PRKCZ: variants seen among roughly 807,000 people sequenced by gnomAD.
The protein encoded by PRKCZ is protein kinase C zeta.
In PRKCZ, 33 loss-of-function variants were observed where a neutral mutation model predicts 79.5. The observed-to-expected ratio is 0.41, with a 90% CI of 0.31 to 0.55. The LOEUF (loss-of-function observed/expected upper bound fraction) is 0.55. PRKCZ is among the 20% of genes least tolerant of loss of function. The pLI, the probability that PRKCZ is intolerant of heterozygous loss-of-function variation, is 0.19. For missense variants in PRKCZ, 578 were observed against 813.5 expected (o/e 0.71, Z 3.52); for synonymous variants, 342 against 320.9 (o/e 1.07, Z -0.70).
chr1:2,123,457 T>G (rs188635720), intron 4 of PRKCZ, among the ~76,000 whole-genome samples: 1 of 4,576 alleles, frequency 2.2e-4, no homozygotes, highest in Non-Finnish European at 3.2e-4. Context: ...TGGTTAGGGT[T>G]GTGGTGGTTA....
At chr1:2,113,438 C>G (rs1331289714) in intron 4 of PRKCZ, among the ~76,000 whole-genome samples, 1 of 152,042 alleles carries the variant, frequency 6.6e-6, no homozygotes, top group Admixed American at 6.6e-5. Flanking sequence ...TGCCCGAGTT[C>G]GCTCCTGACC....
At chr1:2,102,913 T>C (rs1392566366) in intron 4 of PRKCZ, among the ~76,000 whole-genome samples, 1 of 152,104 alleles carries the variant, frequency 6.6e-6, no homozygotes, top group Non-Finnish European at 1.5e-5. Flanking sequence ...AGGGTCTTGC[T>C]CTGTCGCCCA....
chr1:2,110,526 G>A (rs1020888638), intron 4 of PRKCZ, among the ~76,000 whole-genome samples: 4 of 152,198 alleles, frequency 2.6e-5, no homozygotes, highest in Non-Finnish European at 5.9e-5. Flanking sequence ...CAAGTCCATT[G>A]AGTCCACTGG....
intron 16 of PRKCZ, 96 bp from the exon 17 acceptor site, chr1:2,184,487 A>T: frequency 1.2e-6 from 1 of 839,194 alleles, no homozygotes. Context: ...TGACTTTCTC[A>T]CTGTTTCATT....
intron 10 of PRKCZ, among the ~76,000 whole-genome samples, chr1:2,167,595 GT>G (rs1174852752): frequency 2.6e-5 from 4 of 152,050 alleles, no homozygotes; most frequent in African/African-American, 7.2e-5. Flanking sequence ...GGTTTTTGTG[GT>G]TTTTTGTATT....
rs1031520418 is a variant in PRKCZ at position 2,178,078 on chromosome 1, G to GGAA, written c.1575+2767_1575+2769dup. ...CCACCCCCATGTGACCTTGGCAGAA[G>GGAA]GAAGGTCCTCCTCCCATTCACCCAA... On this transcript the variant is annotated intron_variant, in intron 16 of 17. Coordinates refer to ENST00000378567, the MANE Select transcript of PRKCZ (RefSeq NM_002744.6). This position sits in a 1 kb window ranked among gnomAD's most constrained non-coding sequence, Gnocchi z 4.3. 3.3e-5 allele frequency among the ~76,000 whole-genome samples: 5 copies of GGAA among 152,214 alleles called. No homozygotes were observed. Among genetic ancestry groups the GGAA allele is most frequent in the African/African-American group, 1.2e-4 (5 of 41,458 alleles).
At chr1:2,079,863 G>A (rs1273480428) in intron 4 of PRKCZ, among the ~76,000 whole-genome samples, 1 of 152,312 alleles carries the variant, frequency 6.6e-6, no homozygotes, top group East Asian at 1.9e-4. Context: ...GGTGGTGGCG[G>A]AAGTCCCCAG....
chr1:2,176,505 T>G (rs1685530818), intron 16 of PRKCZ, among the ~76,000 whole-genome samples: 1 of 152,202 alleles, frequency 6.6e-6, no homozygotes, highest in South Asian at 2.1e-4. Context: ...GTCTGTGGAA[T>G]TTGTTTCCAG....
In PRKCZ at chr1:2,144,285, C is replaced by G; in HGVS notation, c.496C>G (p.Leu166Val). 6.4e-7 allele frequency: 1 copy of G among 1,566,972 alleles called. No individual in the cohort carries two copies. Among genetic ancestry groups the G allele is most frequent in the African/African-American group, 1.3e-5 (1 of 74,504 alleles). ...RQGYRCINCK[L>V]LVHKRCHGLV... ...AGGCTACAGGTGCATCAACTGCAAA[C>G]TGCTGGTCCATAAGCGCTGCCACGG... The change falls in exon 6 of 18, where the codon CTG becomes GTG. Residue 166 changes from leucine to valine, a missense_variant. Leu to Val is a conservative substitution (Grantham distance 32). This residue lies in a region of PRKCZ where 16 missense variants were observed against 37.4 expected (regional missense o/e 0.43). Transcript: ENST00000378567.
intron 10 of PRKCZ, among the ~76,000 whole-genome samples, chr1:2,159,520 A>C (rs1012734088): frequency 2.6e-5 from 4 of 152,204 alleles, no homozygotes; most frequent in Non-Finnish European, 5.9e-5. Flanking sequence ...TGGCCGATGA[A>C]ACTGCAGAGG....
intron 4 of PRKCZ, among the ~76,000 whole-genome samples, chr1:2,071,063 C>CCTGGGCGTGT (rs1557491921): frequency 4.1e-5 from 3 of 72,854 alleles, no homozygotes; most frequent in Admixed American, 1.3e-4. Flanking sequence ...CCTGGGCGTG[C>CCTGGGCGTGT]GACCTGGGCA....
At chr1:2,141,169 G>A (rs1411829583) in intron 5 of PRKCZ, 2 of 151,984 alleles carry the variant, frequency 1.3e-5, no homozygotes, top group African/African-American at 4.8e-5. Context: ...GACAGAGCTT[G>A]GGCAGCCTCA....
chr1:2,112,070 C>T (rs1204099943), intron 4 of PRKCZ, among the ~76,000 whole-genome samples: 1 of 152,190 alleles, frequency 6.6e-6, no homozygotes, highest in Non-Finnish European at 1.5e-5. Context: ...TCCCAAACTC[C>T]AAGTGTTTCC....
At position 2,144,328 on chromosome 1, in the gene PRKCZ, G is replaced by A. The variant is rs1454586669; in HGVS notation, c.539G>A (p.Cys180Tyr). The A allele has an allele frequency of 1.3e-6, 2 of 1,574,048 alleles. No homozygotes were observed. Among genetic ancestry groups the A allele is most frequent in the Non-Finnish European group, 1.7e-6 (2 of 1,159,500 alleles). The change falls in exon 6 of 18, where the codon TGC becomes TAC. Residue 180 changes from cysteine to tyrosine, a missense_variant. Transcript: ENST00000378567. ...TGCCACGGCCTCGTCCCGCTGACCT[G>A]CAGGAAGCATATGGTGAGTGGCAGG... ...KRCHGLVPLT[C>Y]RKHMDSVMPS...
At chr1:2,074,617 G>A (rs926631856) in intron 4 of PRKCZ, 1 of 443,772 alleles carries the variant, frequency 2.3e-6, no homozygotes, top group East Asian at 4.1e-5. Flanking sequence ...CCTCCCGCCT[G>A]TCTGAGCCCC....
In PRKCZ at chr1:2,050,616, C is replaced by T; in HGVS notation, c.-15C>T. The stretch of plus-strand genomic sequence containing the variant: ...TCCCGGGGCGCAGCGCTGACGGCGG[C>T]GGGGGGAGCGCGCCATGCCCAGCAG... On this transcript the variant is annotated 5_prime_UTR_variant, in exon 1 of 18. Transcript: ENST00000378567. 1 of 1,220,808 alleles carries T rather than the reference C, an allele frequency of 8.2e-7. No individual in the cohort carries two copies. Among genetic ancestry groups the T allele is most frequent in the East Asian group, 3.2e-5 (1 of 31,140 alleles). The allele number at this position is 1,220,808 out of a possible 1,614,324, so 75.6% of individuals were successfully genotyped here.
chr1:2,068,522 C>T lies in PRKCZ; in HGVS notation c.334+8931C>T, dbSNP rs112478685. On this transcript the variant is annotated intron_variant, in intron 4 of 17. Transcript: ENST00000378567. The stretch of plus-strand genomic sequence containing the variant: ...CACCGGTGGTCGGCTTTGGGGCCCA[C>T]CAGGGCAGTCCAGGACATTCACCTT... 6.5e-3 allele frequency among the ~76,000 whole-genome samples: 989 copies of T among 152,278 alleles called. 15 individuals are homozygous for T. Among genetic ancestry groups the T allele is most frequent in the African/African-American group, 0.023 (952 of 41,536 alleles).
chr1:2,146,251 G>T, intron 7 of PRKCZ, 143 bp downstream of exon 7: 2 of 797,412 alleles, frequency 2.5e-6, no homozygotes, highest in Admixed American at 2.4e-5. Context: ...CTTCCCTGGG[G>T]CTGGGGATGA....
chr1:2,067,055 T>C (rs1303596146), intron 4 of PRKCZ, among the ~76,000 whole-genome samples: 3 of 152,272 alleles, frequency 2.0e-5, no homozygotes, highest in Admixed American at 6.5e-5. Context: ...TGTAGTGTTA[T>C]TTCCATATAT....
Sources: gnomAD v4.1 joint callset for allele counts (sites outside exome capture counted in the v4.1 genomes callset) on GRCh38, gnomAD v4.1.1 for gene constraint, gnomAD v4.1.1 regional missense constraint, Gnocchi (gnomAD v3.1) non-coding constraint, MANE v1.5 for transcripts, NCBI Gene and HGNC (gene_info 2026-07-23, HGNC 2026-07-21) for gene names.